Variants in FRMPD4 observed in about 807,000 individuals in gnomAD.
FRMPD4 encodes the protein FERM and PDZ domain containing 4, also known as FERM and PDZ domain-containing protein 4.
In FRMPD4, 22 loss-of-function variants were observed where a neutral mutation model predicts 94.1. The observed-to-expected ratio is 0.23, with a 90% CI of 0.17 to 0.33. The LOEUF (loss-of-function observed/expected upper bound fraction) is 0.33. FRMPD4 is among the 10% of genes least tolerant of loss of function. The pLI is 1.00. For missense variants in FRMPD4, 1,111 were observed against 1,339.9 expected, an observed-to-expected ratio of 0.83 and a Z score of 2.67; for synonymous variants, 631 against 548.6, an observed-to-expected ratio of 1.15 and a Z score of -2.10.
At chrX:12,381,295 A>G in intron 1 of FRMPD4, among the ~76,000 whole-genome samples, 1 of 112,206 alleles carries the variant, frequency 8.9e-6, no homozygotes, top group Admixed American at 9.4e-5. Context: ...TTTGAACCCT[A>G]TCCAGAGGCC....
intron 1 of FRMPD4, among the ~76,000 whole-genome samples, chrX:12,388,826 T>G (rs1450438057): frequency 3.9e-5 from 3 of 76,420 alleles, no homozygotes; most frequent in Non-Finnish European, 7.5e-5. Context: ...GTGATATATA[T>G]ATATATATAT....
chrX:11,961,988 T>C (rs890364185), intron 3 of FRMPD4, among the ~76,000 whole-genome samples: 2 of 112,237 alleles, frequency 1.8e-5, no homozygotes, highest in African/African-American at 3.2e-5. Flanking sequence ...TTCTAGGAAG[T>C]AGCAGAGGTA....
chrX:11,864,300 G>A (rs1179137163), intron 1 of FRMPD4, among the ~76,000 whole-genome samples: 2 of 109,390 alleles, frequency 1.8e-5, no homozygotes, highest in Non-Finnish European at 3.8e-5. Context: ...GATCCTGGGT[G>A]TGGACTGAGG....
chrX:12,409,422 G>A (rs1243662588), intron 1 of FRMPD4, among the ~76,000 whole-genome samples: 1 of 111,813 alleles, frequency 8.9e-6, no homozygotes, highest in African/African-American at 3.3e-5. Flanking sequence ...TGTGTGCCCC[G>A]CACTCTTACT....
intron 1 of FRMPD4, among the ~76,000 whole-genome samples, chrX:12,227,765 C>T (rs2147769560): frequency 9.1e-6 from 1 of 109,604 alleles, no homozygotes; most frequent in South Asian, 4.1e-4. Flanking sequence ...TACACTACTG[C>T]ACTCCAGCCT....
intron 3 of FRMPD4, among the ~76,000 whole-genome samples, chrX:12,006,303 T>A (rs1018282509): frequency 2.7e-5 from 3 of 112,631 alleles, no homozygotes; most frequent in African/African-American, 9.7e-5. Context: ...CCCTCTGGCT[T>A]AGATATGTAC....
intron 1 of FRMPD4, among the ~76,000 whole-genome samples, chrX:12,220,793 T>C (rs1320483809): frequency 1.8e-5 from 2 of 112,590 alleles, no homozygotes; most frequent in Non-Finnish European, 3.7e-5. Context: ...AAAATTTGCA[T>C]ACTTTCTAAC....
rs1569370036 is a variant in FRMPD4 at position 12,622,002 on chromosome X, GAAA to G, written c.422+7122_422+7124del. Among the ~76,000 whole-genome samples the G allele has an allele frequency of 2.6e-3, 121 of 47,394 alleles. 1 individual carries two copies. Among genetic ancestry groups the G allele is most frequent in the East Asian group, 0.014 (25 of 1,754 alleles). 41.2% of individuals were successfully genotyped at this position (47,394 alleles called of 115,157 possible). ...AGAAAGAAAGAAAGAAAGAAAGAAA[GAAA>G]GAAAGAAAGAAAGGAAGGAAGGAAG... On this transcript the variant is annotated intron_variant, in intron 4 of 16. Transcript: ENST00000675598.
At chrX:12,176,154 T>G (rs1288438158) in intron 1 of FRMPD4, among the ~76,000 whole-genome samples, 1 of 112,237 alleles carries the variant, frequency 8.9e-6, no homozygotes, top group Non-Finnish European at 1.9e-5. Flanking sequence ...CAAGCAAGCT[T>G]CAGCGCATAT....
chrX:12,141,644 CAGTT>C (rs1427369346), intron 1 of FRMPD4, among the ~76,000 whole-genome samples: 3 of 110,377 alleles, frequency 2.7e-5, no homozygotes, highest in Admixed American at 9.8e-5. Flanking sequence ...TTTACATCAT[CAGTT>C]AGAGTTATGA....
chrX:11,881,402 A>C (rs1303451643), intron 3 of FRMPD4, among the ~76,000 whole-genome samples: 1 of 112,119 alleles, frequency 8.9e-6, no homozygotes, highest in Non-Finnish European at 1.9e-5. Flanking sequence ...CAACCCAAAT[A>C]CCCTTTAATG....
chrX:12,277,323 A>G (rs967972940), intron 1 of FRMPD4, among the ~76,000 whole-genome samples: 1 of 111,736 alleles, frequency 8.9e-6, no homozygotes, highest in Non-Finnish European at 1.9e-5. Context: ...CATTTATTTA[A>G]TACAAGTTTT....
chrX:12,530,665 G>C (rs760216076), intron 2 of FRMPD4, among the ~76,000 whole-genome samples: 13 of 111,813 alleles, frequency 1.2e-4, no homozygotes, highest in Non-Finnish European at 2.1e-4. Flanking sequence ...GGGAAGAGTT[G>C]TGAGAAATGA....
chrX:12,112,346 T>A lies in FRMPD4; in HGVS notation c.95+234328T>A, dbSNP rs777124478. ...AAAACCAAACACCGCATGTTCTCAC[T>A]CATAGGTGGGAATTGAACAATGAGA... On this transcript the variant is annotated intron_variant, in intron 3 of 18. Transcript: ENST00000640291. Among the ~76,000 whole-genome samples the A allele has an allele frequency of 4.5e-5, 5 of 110,609 alleles. No homozygotes were observed. In the Admixed American group the frequency reaches 4.8e-4, roughly 11 times the overall value.
chrX:12,334,561 G>A (rs2055485614), intron 1 of FRMPD4, among the ~76,000 whole-genome samples: 1 of 108,822 alleles, frequency 9.2e-6, no homozygotes, highest in Non-Finnish European at 1.9e-5. Flanking sequence ...GCCTCTCTCT[G>A]TTCCTCTGCA....
chrX:12,492,249 T>C (rs1440796336), intron 1 of FRMPD4, among the ~76,000 whole-genome samples: 1 of 111,812 alleles, frequency 8.9e-6, no homozygotes, highest in Admixed American at 9.5e-5. Flanking sequence ...ACTTTGTAAG[T>C]AGAAACTTTT....
At chrX:12,122,125 A>G (rs1051203223) in intron 3 of FRMPD4, among the ~76,000 whole-genome samples, 2 of 111,946 alleles carry the variant, frequency 1.8e-5, no homozygotes, top group Non-Finnish European at 3.8e-5. Flanking sequence ...AAGTGGCAGG[A>G]GTAGGACACA....
intron 2 of FRMPD4, among the ~76,000 whole-genome samples, chrX:12,533,048 T>A (rs1207930822): frequency 8.9e-6 from 1 of 112,313 alleles, no homozygotes; most frequent in Non-Finnish European, 1.9e-5. Flanking sequence ...CAAAGGAAAC[T>A]GATATGGTTG....
intron 1 of FRMPD4, among the ~76,000 whole-genome samples, chrX:11,845,025 C>T (rs761194158): frequency 8.9e-6 from 1 of 112,205 alleles, no homozygotes; most frequent in East Asian, 2.8e-4. Flanking sequence ...TTACACTTTT[C>T]AATGTCAGAA....
Sources: allele counts gnomAD v4.1 joint callset (sites outside exome capture counted in the v4.1 genomes callset), GRCh38; gene constraint gnomAD v4.1.1; transcripts MANE v1.5; gene names NCBI Gene and HGNC (gene_info 2026-07-23, HGNC 2026-07-21).